RNF112: variants seen among roughly 807,000 people sequenced by gnomAD.
The protein encoded by RNF112 is ring finger protein 112, also known as brain finger protein.
In RNF112, 34 loss-of-function variants were observed where a neutral mutation model predicts 64.7. The observed-to-expected ratio is 0.53, with a 90% confidence interval of 0.40 to 0.70. RNF112 has a LOEUF of 0.70. Ranked by LOEUF, RNF112 falls within the 30% of genes least tolerant of loss-of-function variation. The pLI, the probability that RNF112 is intolerant of heterozygous loss-of-function variation, is 0.00. For synonymous variants in RNF112, 345 were observed against 344.5 expected (o/e 1.00, Z -0.02); for missense variants, 734 against 850.0 (o/e 0.86, Z 1.70).
rs1322412323 is a variant in RNF112, at chr17:19,411,675, G to C, written c.95+5G>C. 3 of 1,578,680 alleles carry C rather than the reference G, an allele frequency of 1.9e-6. No individual in the cohort carries two copies. On this transcript the variant is annotated splice_donor_5th_base_variant and intron_variant, in intron 2 of 13. Coordinates refer to ENST00000461366, the MANE Select transcript of RNF112 (RefSeq NM_007148.5). Reference sequence around the variant, plus strand: ...GGGAAACAGCGGCAACAGTTGGTAAGTAGCAGGGCCTTCCAGGCTGGGATG... The same window carrying C: ...GGGAAACAGCGGCAACAGTTGGTAACTAGCAGGGCCTTCCAGGCTGGGATG...
In RNF112 at chr17:19,414,828, G is replaced by A. The variant is rs762130985; in HGVS notation, c.1067G>A (p.Cys356Tyr). The change falls in exon 10 of 14, where the codon TGC (cysteine) becomes TAC (tyrosine). Residue 356 changes from cysteine to tyrosine, a missense_variant. Physicochemically the swap from Cys to Tyr is radical, Grantham distance 194 (BLOSUM62 -2). Coordinates refer to ENST00000461366, the MANE Select transcript of RNF112 (RefSeq NM_007148.5). ...QELLQGKRAR[C>Y]CLLPAPGRRR... Reference sequence around the variant, plus strand: ...CTGCTGCAAGGGAAGCGAGCCCGTTGCTGCCTCTTGCCTGCCCCAGGGAGG... The same window carrying A: ...CTGCTGCAAGGGAAGCGAGCCCGTTACTGCCTCTTGCCTGCCCCAGGGAGG... 2 of 1,613,756 alleles carry A rather than the reference G, an allele frequency of 1.2e-6. No individual in the cohort carries two copies. The highest frequency in any genetic ancestry group is 8.5e-7 in the Non-Finnish European group (1 of 1,179,856).
In RNF112 at chr17:19,415,263, C is replaced by T. The variant is rs1173257688; in HGVS notation, c.1297-23C>T. 80 of 1,600,346 alleles carry T rather than the reference C, an allele frequency of 5.0e-5. No homozygotes were observed. The highest frequency in any genetic ancestry group is 6.8e-5 in the Non-Finnish European group (80 of 1,176,256). On this transcript the variant is annotated intron_variant, in intron 11 of 13. Coordinates refer to ENST00000461366, the MANE Select transcript of RNF112 (RefSeq NM_007148.5). The surrounding 1 kb of genome is among the most constrained non-coding windows in gnomAD (Gnocchi z 7.8). ...TCGGCTGGGCCCCTGCTCTCCCTGA[C>T]CCCAGCGATGGTATCTCCGCAGAAC...
chr17:19,415,865 A>AG lies in RNF112; in HGVS notation c.1588dup (p.Ala530GlyfsTer88). On this transcript the variant is annotated frameshift_variant, in exon 14 of 14. Transcript: ENST00000461366. LOFTEE classifies it high-confidence loss of function. This position sits in a 1 kb window ranked among gnomAD's most constrained non-coding sequence, Gnocchi z 7.8. ...TTGGAGGCACTGGAAGCTGAGCTGC[A>AG]GGCCACGGCCAAGGCCTTCATGGAC... 4 of 1,613,692 alleles carry AG rather than the reference A, an allele frequency of 2.5e-6. No homozygotes were observed. Among genetic ancestry groups the AG allele is most frequent in the Non-Finnish European group, 3.4e-6 (4 of 1,179,846 alleles).
chr17:19,417,068 C>T lies in RNF112; in HGVS notation c.*893C>T, dbSNP rs1462979617. 6.6e-6 allele frequency: 1 copy of T among 152,124 alleles called. No individual in the cohort carries two copies. The highest frequency in any genetic ancestry group is 1.5e-5 in the Non-Finnish European group (1 of 68,038). The allele number at this position is 152,124 out of a possible 1,614,324, so 9.4% of individuals were successfully genotyped here. ...TTAAACACATCCTTTCTCCCCTGGG[C>T]TTGTAAGAAGATGCAGCTTGATGCA... On this transcript the variant is annotated 3_prime_UTR_variant, in exon 14 of 14. Transcript: ENST00000461366.
In RNF112 at chr17:19,415,665, C is replaced by G. The variant is rs1913859862; in HGVS notation, c.1426-40C>G. 3 of 1,600,600 alleles carry G rather than the reference C, an allele frequency of 1.9e-6. No homozygotes were observed. The highest frequency in any genetic ancestry group is 2.2e-5 in the South Asian group (2 of 89,126). ...CAGATCAGGGAGAGGATACCTGGGA[C>G]TCCTGGTCAGGGCACCTTCTTTTCC... is the stretch of plus-strand genomic sequence containing the variant. On this transcript the variant is annotated intron_variant, in intron 13 of 13. Transcript: ENST00000461366. This position sits in a 1 kb window ranked among gnomAD's most constrained non-coding sequence, Gnocchi z 7.8.
At position 19,413,515 on chromosome 17, in the gene RNF112, G is replaced by A. The variant is rs1913750147; in HGVS notation, c.721-62G>A. 6.3e-7 allele frequency: 1 copy of A among 1,579,894 alleles called. No individual in the cohort carries two copies. Among genetic ancestry groups the A allele is most frequent in the South Asian group, 1.1e-5 (1 of 88,578 alleles). The stretch of plus-strand genomic sequence containing the variant: ...ATGGGGATGGGACGGGGCAGGGTTG[G>A]GAAGAATGTGGGAGAACAAGGCAGG... On this transcript the variant is annotated intron_variant, in intron 5 of 13. Transcript: ENST00000461366. The surrounding 1 kb of genome is among the most constrained non-coding windows in gnomAD (Gnocchi z 5.9).
At position 19,415,450 on chromosome 17, in the gene RNF112, T is replaced by A. The variant is rs767190259; in HGVS notation, c.1351-68T>A. 368 of 1,559,758 alleles carry A rather than the reference T, an allele frequency of 2.4e-4. No homozygotes were observed. Among genetic ancestry groups the A allele is most frequent in the Non-Finnish European group, 2.8e-4 (326 of 1,151,688 alleles). On this transcript the variant is annotated intron_variant, in intron 12 of 13. Coordinates refer to ENST00000461366, the MANE Select transcript of RNF112 (RefSeq NM_007148.5). This position sits in a 1 kb window ranked among gnomAD's most constrained non-coding sequence, Gnocchi z 7.8. Reference sequence around the variant, plus strand: ...GGTCTGTGTGCCCTGGGAGTGGAGATGAGGAAACAAGCAGCGCCCCTGGCT... The same window carrying A: ...GGTCTGTGTGCCCTGGGAGTGGAGAAGAGGAAACAAGCAGCGCCCCTGGCT...
chr17:19,414,493 G>T lies in RNF112; in HGVS notation c.921G>T (p.Met307Ile), dbSNP rs774041857. The change falls in exon 8 of 14, where the codon ATG becomes ATT. Residue 307 changes from methionine (M) to isoleucine (I), a missense_variant. Physicochemically the swap from Met to Ile is conservative, Grantham distance 10. Coordinates refer to ENST00000461366, the MANE Select transcript of RNF112 (RefSeq NM_007148.5). Reference sequence around the variant, plus strand: ...AGGTGATGGGCAAGCATTATGGGATGGTGCCAATCCAGGTGAGACACCTAT... The same window carrying T: ...AGGTGATGGGCAAGCATTATGGGATTGTGCCAATCCAGGTGAGACACCTAT... The part of the protein sequence containing the change: ...VAEVMGKHYG[M>I]VPIQHLDLLV... 1 of 1,613,986 alleles carries T rather than the reference G, an allele frequency of 6.2e-7. No individual in the cohort carries two copies. Among genetic ancestry groups the T allele is most frequent in the African/African-American group, 1.3e-5 (1 of 75,034 alleles).
In RNF112 at chr17:19,412,980, A is replaced by G. The variant is rs757427257; in HGVS notation, c.424A>G (p.Ile142Val). 3.5e-5 allele frequency: 56 copies of G among 1,608,288 alleles called. 1 individual carries two copies. The South Asian group carries it at 6.1e-4, about 18-fold the overall frequency. Residue 142 changes from isoleucine to valine, a missense_variant, in exon 4 of 14, where the codon ATC becomes GTC. Transcript: ENST00000461366. The surrounding 1 kb of genome is among the most constrained non-coding windows in gnomAD (Gnocchi z 5.1). ...VRAEPLLLVR[I>V]NASGGLILRM... is the part of the protein sequence containing the mutation. ...GGCGGAGCCGCTGCTGCTGGTTCGC[A>G]TCAATGCCTCTGGGGGCCTCATCCT...
Position 19,414,844 on chromosome 17 carries a change from C to G in RNF112, c.1083C>G (p.Ala361=), listed in dbSNP as rs750841065. The G allele has an allele frequency of 6.2e-7, 1 of 1,613,730 alleles. No homozygotes were observed. Among genetic ancestry groups the G allele is most frequent in the East Asian group, 2.2e-5 (1 of 44,882 alleles). Residue 361 remains alanine, a synonymous_variant, in exon 10 of 14, where the codon GCC becomes GCG. Transcript: ENST00000461366. Reference sequence around the variant, plus strand: ...GAGCCCGTTGCTGCCTCTTGCCTGCCCCAGGGAGGCGGCGGATGAACCAAG... The same window carrying G: ...GAGCCCGTTGCTGCCTCTTGCCTGCGCCAGGGAGGCGGCGGATGAACCAAG... ...GKRARCCLLP[A]PGRRRMNQGH... is the part of the protein sequence containing the mutation.
chr17:19,412,398 A>T lies in RNF112; in HGVS notation c.96-100A>T. ...ATGGAAATTGGGTTGGCACAAAGGG[A>T]CCTCCACTCCCAAGCCATCAGTCTT... On this transcript the variant is annotated intron_variant, in intron 2 of 13. Coordinates refer to ENST00000461366, the MANE Select transcript of RNF112 (RefSeq NM_007148.5). This position sits in a 1 kb window ranked among gnomAD's most constrained non-coding sequence, Gnocchi z 5.1. The T allele has an allele frequency of 7.7e-7, 1 of 1,295,340 alleles. No individual in the cohort carries two copies. Among genetic ancestry groups the T allele is most frequent in the South Asian group, 1.5e-5 (1 of 68,620 alleles). 80.2% of individuals were successfully genotyped at this position (1,295,340 alleles called of 1,614,324 possible). A position where few individuals can be genotyped will look rare whatever the true frequency, so the allele number is the denominator to read the frequency against.
At position 19,412,830 on chromosome 17, in the gene RNF112, C is replaced by T. The variant is rs1015869901; in HGVS notation, c.381+47C>T. 1.3e-6 allele frequency: 2 copies of T among 1,593,788 alleles called. No homozygotes were observed. The highest frequency in any genetic ancestry group is 1.7e-6 in the Non-Finnish European group (2 of 1,174,000). The stretch of plus-strand genomic sequence containing the variant: ...AGTCAGACCCAAGAGGAGGGGGTGG[C>T]TTTGGCCCTATTCTAGAACATCAGG... On this transcript the variant is annotated intron_variant, in intron 3 of 13. Transcript: ENST00000461366. This position sits in a 1 kb window ranked among gnomAD's most constrained non-coding sequence, Gnocchi z 5.1.
At position 19,416,806 on chromosome 17, in the gene RNF112, C is replaced by G. The variant is rs1439710982; in HGVS notation, c.*631C>G. 2 of 152,656 alleles carry G rather than the reference C, an allele frequency of 1.3e-5. No individual in the cohort carries two copies. The highest frequency in any genetic ancestry group is 2.9e-5 in the Non-Finnish European group (2 of 68,458). The allele number at this position is 152,656 out of a possible 1,614,324, so 9.5% of individuals were successfully genotyped here. A position where few individuals can be genotyped will look rare whatever the true frequency, so the allele number is the denominator to read the frequency against. On this transcript the variant is annotated 3_prime_UTR_variant, in exon 14 of 14. Transcript: ENST00000461366. ...GGCTTTCCCACTCCTGGCCCACAGCCCCAGAGAGCCTGTCTGTGCATCCTG... is the reference window on the plus strand; with the variant it reads ...GGCTTTCCCACTCCTGGCCCACAGCGCCAGAGAGCCTGTCTGTGCATCCTG...
chr17:19,412,461 G>T lies in RNF112; in HGVS notation c.96-37G>T. On this transcript the variant is annotated intron_variant, in intron 2 of 13. Coordinates refer to ENST00000461366, the MANE Select transcript of RNF112 (RefSeq NM_007148.5). The surrounding 1 kb of genome is among the most constrained non-coding windows in gnomAD (Gnocchi z 5.1). ...TGGCCGGTACCCCCTGCCCCCAATA[G>T]ACATCCTGCTTTTCAATGGCCTGTT... 3 of 1,596,060 alleles carry T rather than the reference G, an allele frequency of 1.9e-6. No individual in the cohort carries two copies. Among genetic ancestry groups the T allele is most frequent in the South Asian group, 1.1e-5 (1 of 88,418 alleles).
Position 19,416,128 on chromosome 17 carries a change from G to A in RNF112, c.1849G>A (p.Glu617Lys). 4 of 1,578,888 alleles carry A rather than the reference G, an allele frequency of 2.5e-6. No individual in the cohort carries two copies. Among genetic ancestry groups the A allele is most frequent in the Non-Finnish European group, 3.4e-6 (4 of 1,163,036 alleles). The change falls in exon 14 of 14, where the codon GAG (glutamate) becomes AAG (lysine). Residue 617 changes from glutamate (E) to lysine (K), a missense_variant. Glu to Lys is a moderately conservative substitution (Grantham distance 56). Transcript: ENST00000461366. Reference protein sequence around the residue: ...TVGCMEKEEDERLLEGDREPL... With the variant: ...TVGCMEKEEDKRLLEGDREPL... The stretch of plus-strand genomic sequence containing the variant: ...GGGCTGCATGGAGAAGGAGGAGGAT[G>A]AGAGGCTTCTGGAAGGGGACCGAGA...
rs755442900 is a variant in RNF112, at chr17:19,413,137, C to G, written c.581C>G (p.Pro194Arg). The change falls in exon 4 of 14, where the codon CCG becomes CGG. Residue 194 changes from proline to arginine, a missense_variant. Pro to Arg is a moderately radical substitution (Grantham distance 103). Transcript: ENST00000461366. This position sits in a 1 kb window ranked among gnomAD's most constrained non-coding sequence, Gnocchi z 5.9. Reference sequence around the variant, plus strand: ...CTCAACCATTTGCTTCAGGGCTTGCCGGGCCTGGTGAGGGCGGGGCGGGGC... The same window carrying G: ...CTCAACCATTTGCTTCAGGGCTTGCGGGGCCTGGTGAGGGCGGGGCGGGGC... ...FLLNHLLQGL[P>R]GLESGEGGRP... 1.2e-6 allele frequency: 2 copies of G among 1,605,496 alleles called. No individual in the cohort carries two copies. Among genetic ancestry groups the G allele is most frequent in the South Asian group, 1.1e-5 (1 of 90,768 alleles).
At position 19,412,775 on chromosome 17, in the gene RNF112, G is replaced by T. The variant is rs1208877492; in HGVS notation, c.373G>T (p.Ala125Ser). The part of the protein sequence containing the change: ...KLLPQRPLPP[A>S]LQETCPVRAE... ...CCTGCCGCAGCGGCCGCTGCCCCCT[G>T]CACTGCAGGTCTGGGGACTGGGCCT... is the stretch of plus-strand genomic sequence containing the variant. Residue 125 changes from alanine (A) to serine (S), a missense_variant, in exon 3 of 14, where the codon GCA becomes TCA. By Grantham distance (99) the Ala-to-Ser change is moderately conservative. Coordinates refer to ENST00000461366, the MANE Select transcript of RNF112 (RefSeq NM_007148.5). The surrounding 1 kb of genome is among the most constrained non-coding windows in gnomAD (Gnocchi z 5.1). 1 of 1,611,524 alleles carries T rather than the reference G, an allele frequency of 6.2e-7. No homozygotes were observed.
chr17:19,414,282 G>T, intron 7 of RNF112, 137 bp downstream of exon 7: 1 of 1,114,176 alleles, frequency 9.0e-7, no homozygotes, highest in South Asian at 1.4e-5. Flanking sequence ...GGAGGGTGGA[G>T]AGTAAAGCAA....
chr17:19,411,770 G>A, intron 2 of RNF112, 100 bp downstream of exon 2: 10 of 1,294,782 alleles, frequency 7.7e-6, no homozygotes, highest in Non-Finnish European at 9.7e-6. Flanking sequence ...AGCCCAGCCG[G>A]GAGGGCTGTC....
Sources: gnomAD v4.1 joint callset for allele counts on GRCh38, gnomAD v4.1.1 for gene constraint, Gnocchi (gnomAD v3.1) non-coding constraint, MANE v1.5 for transcripts, NCBI Gene and HGNC (gene_info 2026-07-23, HGNC 2026-07-21) for gene names.